Variants in XRN1 observed in about 807,000 individuals in gnomAD.
XRN1 encodes the protein strand-exchange protein 1 homolog.
Under a neutral mutation model 222.3 loss-of-function variants are expected in XRN1, and 67 were observed. The observed-to-expected ratio is 0.30, with a 90% confidence interval of 0.25 to 0.37. The LOEUF is 0.37. Among genes scored for constraint, XRN1 ranks in the 10% least tolerant of loss-of-function variants. The pLI, the probability that XRN1 is intolerant of heterozygous loss-of-function variation, is 1.00. For missense variants in XRN1, 1,707 were observed against 2,000.2 expected, an observed-to-expected ratio of 0.85 and a Z score of 2.80; for synonymous variants, 643 against 652.4, an observed-to-expected ratio of 0.99 and a Z score of 0.22.
intron 13 of XRN1, among the ~76,000 whole-genome samples, chr3:142,415,870 T>G (rs11720007): frequency 0.13 from 19,911 of 152,220 alleles, 1,320 homozygotes; most frequent in African/African-American, 0.14. Context: ...TTTTGGTTTT[T>G]AATTTTTCTA....
At chr3:142,415,160 A>G (rs2068733757) in intron 13 of XRN1, among the ~76,000 whole-genome samples, 1 of 152,248 alleles carries the variant, frequency 6.6e-6, no homozygotes, top group African/African-American at 2.4e-5. Flanking sequence ...TATCGATCAC[A>G]TACACTAATT....
chr3:142,407,242 C>T (rs907954317), intron 15 of XRN1, among the ~76,000 whole-genome samples: 4 of 152,172 alleles, frequency 2.6e-5, no homozygotes, highest in Admixed American at 2.6e-4. Flanking sequence ...AAGACCCTGG[C>T]AAACGTGTCA....
At chr3:142,335,334 G>A in intron 34 of XRN1, 114 bp downstream of exon 34, 1 of 955,724 alleles carries the variant, frequency 1.0e-6, no homozygotes, top group Non-Finnish European at 1.7e-6. Context: ...TGACCCTCTG[G>A]CCACACACCT....
intron 8 of XRN1, among the ~76,000 whole-genome samples, 175 bp from the exon 9 acceptor site, chr3:142,421,718 A>G (rs2069042862): frequency 1.3e-5 from 2 of 152,224 alleles, no homozygotes. Flanking sequence ...ATGCTACTAT[A>G]ATATGCAACA....
At chr3:142,338,184 G>A (rs997693422) in intron 33 of XRN1, among the ~76,000 whole-genome samples, 1 of 152,124 alleles carries the variant, frequency 6.6e-6, no homozygotes, top group Non-Finnish European at 1.5e-5. Flanking sequence ...CCAACCCCAG[G>A]CAACACAGCT....
At chr3:142,340,086 T>C (rs1477102251) in intron 33 of XRN1, among the ~76,000 whole-genome samples, 3 of 152,172 alleles carry the variant, frequency 2.0e-5, no homozygotes, top group Admixed American at 6.5e-5. Context: ...CTGGGCGCAG[T>C]GGCTCATGCC....
At position 142,355,484 on chromosome 3, in the gene XRN1, C is replaced by T; in HGVS notation, c.3685G>A (p.Asp1229Asn). The T allele has an allele frequency of 6.3e-7, 1 of 1,592,526 alleles. No individual in the cohort carries two copies. Among genetic ancestry groups the T allele is most frequent in the Non-Finnish European group, 8.6e-7 (1 of 1,167,684 alleles). ...CAAATGTTGCAGAATTCATCATCAT[C>T]TTTAGTAGGTACCTAGCAAAGTACA... is the stretch of plus-strand genomic sequence containing the variant. ...LFVPTQVPTK[D>N]DDEFCNIWQS... The change falls in exon 32 of 41, where the codon GAT (aspartate) becomes AAT (asparagine). Residue 1229 changes from aspartate to asparagine, a missense_variant. Asp to Asn is a conservative substitution (Grantham distance 23, BLOSUM62 1). This residue lies in a region of XRN1 where 1,234 missense variants were observed against 1,518.2 expected (regional missense o/e 0.81). Transcript: ENST00000392981.
At chr3:142,409,715 GATT>G (rs1478957246) in intron 15 of XRN1, among the ~76,000 whole-genome samples, 4 of 152,096 alleles carry the variant, frequency 2.6e-5, no homozygotes, top group Admixed American at 2.6e-4. Context: ...TTTTCACTGG[GATT>G]GAATTTAAAG....
At chr3:142,335,692 G>C (rs2065834509) in intron 33 of XRN1, among the ~76,000 whole-genome samples, 183 bp from the exon 34 acceptor site, 1 of 152,134 alleles carries the variant, frequency 6.6e-6, no homozygotes, top group South Asian at 2.1e-4. Context: ...TAATAATAGA[G>C]AAAATGGAAA....
chr3:142,392,133 G>T (rs1454133478), intron 20 of XRN1, among the ~76,000 whole-genome samples: 1 of 151,832 alleles, frequency 6.6e-6, no homozygotes, highest in African/African-American at 2.4e-5. Context: ...GCACCCTCAG[G>T]GGTAGGAGAG....
chr3:142,431,973 T>C (rs186569563), intron 2 of XRN1, among the ~76,000 whole-genome samples: 220 of 77,412 alleles, frequency 2.8e-3, no homozygotes, highest in Non-Finnish European at 4.5e-3. Context: ...ATATAATATA[T>C]TGTATATATT....
chr3:142,394,796 T>C (rs139774768), intron 20 of XRN1, among the ~76,000 whole-genome samples: 1 of 152,342 alleles, frequency 6.6e-6, no homozygotes, highest in East Asian at 1.9e-4. Context: ...TCCTATATCC[T>C]TCTTTAGCTA....
At position 142,384,909 on chromosome 3, in the gene XRN1, T is replaced by C. The variant is rs143598304; in HGVS notation, c.2340-224A>G. On this transcript the variant is annotated intron_variant, in intron 20 of 40. Coordinates refer to ENST00000392981, the MANE Select transcript of XRN1 (RefSeq NM_001282857.2). The stretch of plus-strand genomic sequence containing the variant: ...GTCTCTGTGATTAAATAAGAACTCA[T>C]AGAGCTATACAAAACTCCTGTTCTC... Among the ~76,000 whole-genome samples, 736 of 152,296 alleles carry C rather than the reference T, an allele frequency of 4.8e-3. 5 individuals are homozygous for C. Among genetic ancestry groups the C allele is most frequent in the African/African-American group, 0.016 (666 of 41,546 alleles).
At chr3:142,346,349 A>G (rs1024348290) in intron 33 of XRN1, among the ~76,000 whole-genome samples, 1 of 152,206 alleles carries the variant, frequency 6.6e-6, no homozygotes, top group East Asian at 1.9e-4. Context: ...TACTCTTTAT[A>G]TATTAAATAA....
At chr3:142,376,765 G>C (rs2067156175) in intron 23 of XRN1, among the ~76,000 whole-genome samples, 171 bp from the exon 24 acceptor site, 1 of 151,810 alleles carries the variant, frequency 6.6e-6, no homozygotes, top group Admixed American at 6.6e-5. Context: ...AGGATCTGTA[G>C]GCAGAATTTT....
At chr3:142,402,633 G>A (rs754398571) in intron 18 of XRN1, among the ~76,000 whole-genome samples, 2 of 152,094 alleles carry the variant, frequency 1.3e-5, no homozygotes, top group Non-Finnish European at 2.9e-5. Flanking sequence ...AATGACTTAG[G>A]GCATTAGGGC....
At chr3:142,375,974 G>GCACACA (rs66486380) in intron 24 of XRN1, 30 bp from the exon 25 acceptor site, 96,422 of 1,433,440 alleles carry the variant, frequency 0.067, 641 homozygotes, top group Non-Finnish European at 0.075. Context: ...GCGCACACGT[G>GCACACA]CACACACACA....
chr3:142,385,869 C>T lies in XRN1; in HGVS notation c.2340-1184G>A, dbSNP rs115665941. Among the ~76,000 whole-genome samples, 545 of 152,012 alleles carry T rather than the reference C, an allele frequency of 3.6e-3. 1 individual carries two copies. The highest frequency in any genetic ancestry group is 6.0e-3 in the Non-Finnish European group (409 of 67,910). On this transcript the variant is annotated intron_variant, in intron 20 of 40. Coordinates refer to ENST00000392981, the MANE Select transcript of XRN1 (RefSeq NM_001282857.2). ...TTCAATTTTTAGTATGCCCGTATTA[C>T]TACTCAGTCCATCTACCGAGCTCAC...
chr3:142,398,738 C>T (rs2068020809), intron 19 of XRN1, among the ~76,000 whole-genome samples: 1 of 151,948 alleles, frequency 6.6e-6, no homozygotes, highest in African/African-American at 2.4e-5. Context: ...TTCTAGCTTA[C>T]AGGAAATATG....
Sources: gnomAD v4.1 joint callset for allele counts (sites outside exome capture counted in the v4.1 genomes callset) on GRCh38, gnomAD v4.1.1 for gene constraint, gnomAD v4.1.1 regional missense constraint, MANE v1.5 for transcripts, NCBI Gene and HGNC (gene_info 2026-07-23, HGNC 2026-07-21) for gene names.